MTRES1: variants seen among roughly 807,000 people sequenced by gnomAD.
MTRES1 encodes mitochondrial transcription rescue factor 1, also known as uncharacterized protein C6orf203.
MTRES1 carries 11 observed loss-of-function variants against 17.4 expected under a neutral mutation model. The ratio of observed to expected loss-of-function variants is 0.63; its 90% CI spans 0.40 to 1.05. The LOEUF (loss-of-function observed/expected upper bound fraction) is 1.05. Ranked by LOEUF, MTRES1 falls within the 50% of genes least tolerant of loss-of-function variation. The pLI is 0.00. For synonymous variants in MTRES1, 94 were observed against 99.6 expected (o/e 0.94, Z 0.34); for missense variants, 268 against 276.2 (o/e 0.97, Z 0.21).
intron 2 of MTRES1, among the ~76,000 whole-genome samples, chr6:107,041,070 CA>C (rs1233262666): frequency 6.8e-5 from 10 of 146,488 alleles, no homozygotes; most frequent in Middle Eastern, 3.6e-3. Context: ...ACTAAAAATA[CA>C]AAAAATTAGC....
intron 3 of MTRES1, among the ~76,000 whole-genome samples, chr6:107,046,279 T>C (rs1261192571): frequency 6.6e-6 from 1 of 152,204 alleles, no homozygotes; most frequent in Non-Finnish European, 1.5e-5. Context: ...ACACCCTGTC[T>C]CTGTGCTGGG....
chr6:107,040,204 G>A lies in MTRES1; in HGVS notation c.444G>A (p.Leu148=). ...AVQSFRYDVV[L]KTGLDIGRNK... is the part of the protein sequence containing the mutation. Reference sequence around the variant, plus strand: ...AGTCTTTTCGGTATGATGTTGTCCTGAAGACGGGGCTAGATATTGGGAGAA... The same window carrying A: ...AGTCTTTTCGGTATGATGTTGTCCTAAAGACGGGGCTAGATATTGGGAGAA... Residue 148 remains leucine, a synonymous_variant, in exon 2 of 4, where the codon CTG becomes CTA. Coordinates refer to ENST00000311381, the MANE Select transcript of MTRES1 (RefSeq NM_016487.5). 6.2e-7 allele frequency: 1 copy of A among 1,602,476 alleles called. No individual in the cohort carries two copies. Among genetic ancestry groups the A allele is most frequent in the Non-Finnish European group, 8.5e-7 (1 of 1,177,010 alleles).
At chr6:107,037,202 C>T (rs1160900611) in intron 1 of MTRES1, among the ~76,000 whole-genome samples, 4 of 152,124 alleles carry the variant, frequency 2.6e-5, no homozygotes, top group Non-Finnish European at 4.4e-5. Context: ...ACCTCTGCCT[C>T]CCAGGTTCAA....
chr6:107,040,495 T>C (rs1774163856), intron 2 of MTRES1: 1 of 271,046 alleles, frequency 3.7e-6, no homozygotes, highest in Non-Finnish European at 6.9e-6. Flanking sequence ...AAACAGCTTC[T>C]TGAGGAGAAA....
intron 2 of MTRES1, among the ~76,000 whole-genome samples, chr6:107,043,851 G>A (rs907114522): frequency 6.6e-5 from 10 of 152,158 alleles, no homozygotes; most frequent in South Asian, 2.1e-4. Context: ...ATTTGAGGCC[G>A]GACGCGGTGG....
At chr6:107,035,141 T>C (rs910492655) in intron 1 of MTRES1, among the ~76,000 whole-genome samples, 18 of 151,950 alleles carry the variant, frequency 1.2e-4, no homozygotes, top group African/African-American at 4.1e-4. Flanking sequence ...CTTTTTTTTT[T>C]CTTATTTTTG....
chr6:107,036,078 G>T (rs1258715758), intron 1 of MTRES1, among the ~76,000 whole-genome samples: 1 of 151,848 alleles, frequency 6.6e-6, no homozygotes, highest in Admixed American at 6.6e-5. Context: ...TGACTTTTGG[G>T]GGGGCATCTA....
intron 2 of MTRES1, among the ~76,000 whole-genome samples, chr6:107,041,703 T>C (rs1285523890): frequency 1.3e-5 from 2 of 151,648 alleles, no homozygotes; most frequent in Non-Finnish European, 2.9e-5. Flanking sequence ...TTTTTTTGTA[T>C]TTTTTTAGTA....
In MTRES1 at chr6:107,044,126, A is replaced by T. The variant is rs113558556; in HGVS notation, c.471-134A>T. ...AACAGAGTGAGACTTTGTCTCAAAA[A>T]ACAAACAAAAAAAATAGATTTGAGG... On this transcript the variant is annotated intron_variant, in intron 2 of 3. Transcript: ENST00000311381. The T allele has an allele frequency of 8.4e-3, 5,304 of 630,292 alleles. 257 individuals carry two copies. The African/African-American group carries it at 0.093, about 11-fold the overall frequency. The allele number at this position is 630,292 out of a possible 1,614,324, so 39.0% of individuals were successfully genotyped here.
At position 107,039,859 on chromosome 6, in the gene MTRES1, C is replaced by A. The variant is rs1257513276; in HGVS notation, c.99C>A (p.Tyr33Ter). ...WGVLRGTPSS[Y>*]KLCTSWNRYL... ...TTCTCCGAGGGACACCTTCATCATA[C>A]AAACTCTGTACTTCCTGGAATCGAT... The change falls in exon 2 of 4, where the codon TAC becomes TAA. Residue 33 changes from tyrosine to a stop codon, truncating the protein, a stop_gained. Coordinates refer to ENST00000311381, the MANE Select transcript of MTRES1 (RefSeq NM_016487.5). LOFTEE classifies it high-confidence loss of function. 1.2e-6 allele frequency: 2 copies of A among 1,614,036 alleles called. No homozygotes were observed. The highest frequency in any genetic ancestry group is 2.7e-5 in the African/African-American group (2 of 74,934).
intron 1 of MTRES1, among the ~76,000 whole-genome samples, chr6:107,035,076 G>A (rs1773964916): frequency 6.6e-6 from 1 of 151,914 alleles, no homozygotes; most frequent in South Asian, 2.1e-4. Context: ...TTCAACTTTT[G>A]TTTGTACTCA....
At chr6:107,043,333 C>CAA (rs1159443213) in intron 2 of MTRES1, among the ~76,000 whole-genome samples, 13 of 125,248 alleles carry the variant, frequency 1.0e-4, no homozygotes, top group African/African-American at 3.6e-4. Context: ...GACTCCATCT[C>CAA]AAAAAAAAAA....
chr6:107,042,129 A>G (rs1055478956), intron 2 of MTRES1, among the ~76,000 whole-genome samples: 2 of 151,990 alleles, frequency 1.3e-5, no homozygotes, highest in Non-Finnish European at 2.9e-5. Context: ...TCACGAGGTC[A>G]GGTGATCGAT....
chr6:107,041,802 C>G (rs1256080364), intron 2 of MTRES1, among the ~76,000 whole-genome samples: 6 of 152,010 alleles, frequency 3.9e-5, no homozygotes, highest in Non-Finnish European at 8.8e-5. Flanking sequence ...GCTGGGATTA[C>G]AGGCGTGAGC....
chr6:107,030,245 A>AT (rs1773791622), intron 1 of MTRES1: 2 of 689,666 alleles, frequency 2.9e-6, no homozygotes, highest in Admixed American at 2.2e-5. Flanking sequence ...CATCGTAGAG[A>AT]CTTTGCTGTT....
At chr6:107,031,767 A>AT (rs1773851562) in intron 1 of MTRES1, among the ~76,000 whole-genome samples, 1 of 151,982 alleles carries the variant, frequency 6.6e-6, no homozygotes, top group East Asian at 1.9e-4. Context: ...CATTCAGCTA[A>AT]TTTTTGTATT....
intron 1 of MTRES1, among the ~76,000 whole-genome samples, chr6:107,034,991 A>G (rs1773961559): frequency 6.6e-6 from 1 of 151,986 alleles, no homozygotes; most frequent in Non-Finnish European, 1.5e-5. Flanking sequence ...CCGTCTTAAA[A>G]AAAAAGAAGA....
At chr6:107,046,933 TGTGTGTG>T (rs1562285344) in intron 3 of MTRES1, among the ~76,000 whole-genome samples, 1,587 of 146,898 alleles carry the variant, frequency 0.011, 25 homozygotes, top group Non-Finnish European at 0.014. Context: ...TTCATTCTTG[TGTGTGTG>T]TGTGTGTGTG....
In MTRES1 at chr6:107,039,881, C is replaced by A. The variant is rs375533850; in HGVS notation, c.121C>A (p.Arg41=). ...SSYKLCTSWN[R]YLYFSSTKLR... The stretch of plus-strand genomic sequence containing the variant: ...ATACAAACTCTGTACTTCCTGGAAT[C>A]GATACTTGTATTTTTCTAGTACCAA... Residue 41 remains arginine (R), a synonymous_variant, in exon 2 of 4, where the codon CGA becomes AGA. Coordinates refer to ENST00000311381, the MANE Select transcript of MTRES1 (RefSeq NM_016487.5). 1 of 1,614,044 alleles carries A rather than the reference C, an allele frequency of 6.2e-7. No homozygotes were observed. The highest frequency in any genetic ancestry group is 1.1e-5 in the South Asian group (1 of 91,082).
Sources: allele counts gnomAD v4.1 joint callset (sites outside exome capture counted in the v4.1 genomes callset), GRCh38; gene constraint gnomAD v4.1.1; transcripts MANE v1.5; gene names NCBI Gene and HGNC (gene_info 2026-07-23, HGNC 2026-07-21).